PTPRD: variants seen among roughly 807,000 people sequenced by gnomAD.
PTPRD encodes protein tyrosine phosphatase receptor type D.
Under a neutral mutation model 214.5 loss-of-function variants are expected in PTPRD, and 34 were observed. That is an observed-to-expected ratio of 0.16 (90% CI 0.12 to 0.21). The LOEUF is 0.21. PTPRD is among the 10% of genes least tolerant of loss of function. The pLI is 1.00. For missense variants in PTPRD, 2,545 were observed against 2,398.7 expected, an observed-to-expected ratio of 1.06 and a Z score of -1.27; for synonymous variants, 1,128 against 845.7, an observed-to-expected ratio of 1.33 and a Z score of -5.79.
At chr9:9,393,101 T>C (rs10977715) in intron 9 of PTPRD, among the ~76,000 whole-genome samples, 40,183 of 152,068 alleles carry the variant, frequency 0.26, 5,464 homozygotes, top group Middle Eastern at 0.3. Flanking sequence ...TAAATTGTTA[T>C]TCTCACCCTT....
intron 11 of PTPRD, among the ~76,000 whole-genome samples, chr9:8,895,770 T>G (rs955249906): frequency 6.6e-6 from 1 of 152,218 alleles, no homozygotes; most frequent in African/African-American, 2.4e-5. Flanking sequence ...GTTTACTGTG[T>G]AAAGACAGGT....
At chr9:9,177,171 C>G (rs1296038059) in intron 10 of PTPRD, among the ~76,000 whole-genome samples, 1 of 152,006 alleles carries the variant, frequency 6.6e-6, no homozygotes, top group East Asian at 1.9e-4. Flanking sequence ...GCTTTCTTCC[C>G]AAGGCAGCAG....
intron 3 of PTPRD, among the ~76,000 whole-genome samples, chr9:10,133,984 A>C (rs2098923143): frequency 6.6e-6 from 1 of 152,088 alleles, no homozygotes; most frequent in Non-Finnish European, 1.5e-5. Context: ...GTTTTATCAA[A>C]ACTAGTATGT....
intron 14 of PTPRD, among the ~76,000 whole-genome samples, chr9:8,585,010 C>T (rs1439826098): frequency 6.6e-6 from 1 of 152,110 alleles, no homozygotes; most frequent in African/African-American, 2.4e-5. Context: ...CAATTATCTC[C>T]CACTGGTTCC....
intron 21 of PTPRD, among the ~76,000 whole-genome samples, chr9:8,510,773 A>C (rs1041152530): frequency 6.6e-6 from 1 of 152,124 alleles, no homozygotes; most frequent in Non-Finnish European, 1.5e-5. Flanking sequence ...ATTTGAATCC[A>C]CAACCATGAA....
chr9:10,422,511 G>A (rs539716187), intron 2 of PTPRD, among the ~76,000 whole-genome samples: 38 of 151,986 alleles, frequency 2.5e-4, no homozygotes, highest in African/African-American at 9.2e-4. Flanking sequence ...TACCATCAGA[G>A]TAAACAGGCA....
At chr9:9,702,198 C>G (rs566993294) in intron 7 of PTPRD, among the ~76,000 whole-genome samples, 9 of 152,152 alleles carry the variant, frequency 5.9e-5, no homozygotes, top group African/African-American at 2.2e-4. Context: ...GGGCTAAGAA[C>G]ATTTATGGGA....
intron 3 of PTPRD, among the ~76,000 whole-genome samples, chr9:10,181,132 T>C (rs2099280093): frequency 6.6e-6 from 1 of 152,062 alleles, no homozygotes; most frequent in African/African-American, 2.4e-5. Flanking sequence ...TATTTGTTAA[T>C]GAATGATTAT....
At chr9:10,388,640 G>A (rs1030000586) in intron 2 of PTPRD, among the ~76,000 whole-genome samples, 23 of 151,754 alleles carry the variant, frequency 1.5e-4, no homozygotes, top group Admixed American at 1.4e-3. Context: ...CAAAAGGAAG[G>A]CAGAGGCTTT....
chr9:9,202,000 A>G (rs2099942117), intron 9 of PTPRD, among the ~76,000 whole-genome samples: 1 of 152,224 alleles, frequency 6.6e-6, no homozygotes, highest in Admixed American at 6.5e-5. Flanking sequence ...ATAAAGATGG[A>G]CACGAACTTT....
chr9:8,680,332 T>C (rs1373122577), intron 12 of PTPRD, among the ~76,000 whole-genome samples: 2 of 152,154 alleles, frequency 1.3e-5, no homozygotes, highest in African/African-American at 4.8e-5. Flanking sequence ...TTAGGAAACA[T>C]AATTGCCTAC....
At chr9:8,726,484 C>G (rs1439338899) in intron 12 of PTPRD, among the ~76,000 whole-genome samples, 1 of 145,470 alleles carries the variant, frequency 6.9e-6, no homozygotes, top group Non-Finnish European at 1.5e-5. Context: ...ATAATTCCAG[C>G]ACTTTGGGAG....
At chr9:10,525,431 T>C (rs1436283509) in intron 2 of PTPRD, among the ~76,000 whole-genome samples, 3 of 152,054 alleles carry the variant, frequency 2.0e-5, no homozygotes, top group Non-Finnish European at 1.5e-5. Context: ...AATCATTATA[T>C]ACTCAGTACA....
At chr9:9,775,331 T>C (rs1031525165) in intron 5 of PTPRD, among the ~76,000 whole-genome samples, 5 of 152,216 alleles carry the variant, frequency 3.3e-5, no homozygotes, top group Admixed American at 6.5e-5. Flanking sequence ...TTGTGAATTT[T>C]AATCTACGGG....
intron 34 of PTPRD, among the ~76,000 whole-genome samples, chr9:8,445,658 G>C (rs2095696341): frequency 6.6e-6 from 1 of 152,032 alleles, no homozygotes; most frequent in Non-Finnish European, 1.5e-5. Flanking sequence ...CCTGAATCTA[G>C]TCCTATTCCT....
intron 11 of PTPRD, among the ~76,000 whole-genome samples, chr9:8,934,494 A>AATATATATATAAATATAT (rs2098981531): frequency 1.3e-4 from 1 of 7,434 alleles, no homozygotes; most frequent in African/African-American, 4.0e-4. Context: ...TATATATATA[A>AATATATATATAAATATAT]ATATATATAT....
chr9:9,336,821 T>G (rs1258639856), intron 9 of PTPRD, among the ~76,000 whole-genome samples: 1 of 152,198 alleles, frequency 6.6e-6, no homozygotes, highest in Non-Finnish European at 1.5e-5. Context: ...ATTATTTGAC[T>G]TTAAGTCTCA....
chr9:9,745,967 T>C (rs1265089698), intron 6 of PTPRD, among the ~76,000 whole-genome samples: 4 of 152,164 alleles, frequency 2.6e-5, no homozygotes, highest in Non-Finnish European at 5.9e-5. Context: ...CAATGTCATC[T>C]TCATTGCTTG....
At chr9:9,706,196 T>A (rs1445400457) in intron 7 of PTPRD, among the ~76,000 whole-genome samples, 1 of 152,164 alleles carries the variant, frequency 6.6e-6, no homozygotes, top group Non-Finnish European at 1.5e-5. Flanking sequence ...AATATACAGT[T>A]GTTACAAAAG....
Sources: allele counts gnomAD v4.1 joint callset (sites outside exome capture counted in the v4.1 genomes callset), GRCh38; gene constraint gnomAD v4.1.1; transcripts MANE v1.5; gene names NCBI Gene and HGNC (gene_info 2026-07-23, HGNC 2026-07-21).